Variants in PGBD5 observed in about 807,000 individuals in gnomAD.
The protein encoded by PGBD5 is piggyBac transposable element derived 5.
A neutral mutation model predicts 47.9 loss-of-function variants in PGBD5; 14 were observed. That is an observed-to-expected ratio of 0.29 (90% CI 0.19 to 0.46). The LOEUF (loss-of-function observed/expected upper bound fraction) is 0.46. PGBD5 is among the 20% of genes least tolerant of loss of function. PGBD5 has a pLI of 1.00. For missense variants in PGBD5, 635 were observed against 716.0 expected (o/e 0.89, Z 1.29); for synonymous variants, 316 against 306.3 (o/e 1.03, Z -0.33).
intron 5 of PGBD5, among the ~76,000 whole-genome samples, chr1:230,331,776 G>A (rs894709843): frequency 3.3e-5 from 5 of 151,540 alleles, no homozygotes; most frequent in Non-Finnish European, 5.9e-5. Context: ...CTCCAGGTGG[G>A]TGCCACCAGG....
At chr1:230,412,842 T>C (rs1485019532) in intron 1 of PGBD5, among the ~76,000 whole-genome samples, 1 of 151,972 alleles carries the variant, frequency 6.6e-6, no homozygotes, top group Non-Finnish European at 1.5e-5. Context: ...TGTTCAAGAG[T>C]CAACTGTATA....
intron 1 of PGBD5, among the ~76,000 whole-genome samples, chr1:230,417,622 T>A (rs1332904189): frequency 2.6e-5 from 4 of 152,182 alleles, no homozygotes; most frequent in Non-Finnish European, 4.4e-5. Context: ...CCTGACTAGT[T>A]ATTTGTTCTT....
At position 230,315,366 on chromosome 1, in the gene PGBD5, C is replaced by T. The variant is rs1286641814; in HGVS notation, c.*8059G>A. 7.2e-6 allele frequency: 1 copy of T among 138,836 alleles called. No individual in the cohort carries two copies. Among genetic ancestry groups the T allele is most frequent in the Non-Finnish European group, 1.5e-5 (1 of 66,714 alleles). The allele number at this position is 138,836 out of a possible 1,614,324, so 8.6% of individuals were successfully genotyped here. A position where few individuals can be genotyped will look rare whatever the true frequency, so the allele number is the denominator to read the frequency against. ...GAAGGCTGCCTCCTGGGATATGCAC[C>T]CGGCGGTCCCCATTCAGCCCCGGGA... On this transcript the variant is annotated 3_prime_UTR_variant, in exon 7 of 7. Transcript: ENST00000391860.
rs10218442 is a variant in PGBD5 at position 230,413,337 on chromosome 1, A to G, written c.331+12261T>C. Among the ~76,000 whole-genome samples the G allele has an allele frequency of 4.6e-3, 699 of 152,252 alleles. 6 individuals are homozygous for G. Among genetic ancestry groups the G allele is most frequent in the African/African-American group, 0.016 (681 of 41,548 alleles). ...AGATATTCTGGAGCTGTTAGGGAGCAGAATTTCGAGCAAAAAATTAGGTAT... is the reference window on the plus strand; with the variant it reads ...AGATATTCTGGAGCTGTTAGGGAGCGGAATTTCGAGCAAAAAATTAGGTAT... On this transcript the variant is annotated intron_variant, in intron 1 of 6. Coordinates refer to ENST00000391860, the MANE Select transcript of PGBD5 (RefSeq NM_001258311.2).
At chr1:230,362,980 G>A (rs1667771529) in intron 1 of PGBD5, among the ~76,000 whole-genome samples, 1 of 152,128 alleles carries the variant, frequency 6.6e-6, no homozygotes, top group African/African-American at 2.4e-5. Flanking sequence ...ACATCCCTGA[G>A]GATGCCCACG....
Position 230,426,004 on chromosome 1 carries a change from C to A in PGBD5, c.-76G>T. 1.4e-6 allele frequency: 1 copy of A among 708,472 alleles called. No homozygotes were observed. Among genetic ancestry groups the A allele is most frequent in the Non-Finnish European group, 1.7e-6 (1 of 580,042 alleles). The allele number at this position is 708,472 out of a possible 1,614,324, so 43.9% of individuals were successfully genotyped here. On this transcript the variant is annotated 5_prime_UTR_variant, in exon 1 of 7. Transcript: ENST00000391860. ...CACGCCGGGCCCTGGGCCCGCGCCGCGGCCCGCCGCCCCCCACCAGCGCAG... is the reference window on the plus strand; with the variant it reads ...CACGCCGGGCCCTGGGCCCGCGCCGAGGCCCGCCGCCCCCCACCAGCGCAG...
At chr1:230,332,034 C>CTAT (rs1667227198) in intron 5 of PGBD5, among the ~76,000 whole-genome samples, 1 of 147,560 alleles carries the variant, frequency 6.8e-6, no homozygotes, top group African/African-American at 2.5e-5. Flanking sequence ...ACCACACACA[C>CTAT]ACCACACACA....
chr1:230,426,096 G>C lies in PGBD5; in HGVS notation c.-168C>G, dbSNP rs1400914841. On this transcript the variant is annotated 5_prime_UTR_variant, in exon 1 of 7. Transcript: ENST00000391860. ...CCGTCTTGGCCGCCTCGGGCCCAGC[G>C]CCCGGGGAAGCGCCCTCGGAGCTCG... 17 of 177,374 alleles carry C rather than the reference G, an allele frequency of 9.6e-5. No individual in the cohort carries two copies. Among genetic ancestry groups the C allele is most frequent in the Non-Finnish European group, 1.2e-4 (11 of 95,344 alleles). The allele number at this position is 177,374 out of a possible 1,614,324, so 11.0% of individuals were successfully genotyped here. A position where few individuals can be genotyped will look rare whatever the true frequency, so the allele number is the denominator to read the frequency against.
chr1:230,356,779 G>A (rs2102705605), intron 2 of PGBD5, 115 bp downstream of exon 2: 2 of 1,098,418 alleles, frequency 1.8e-6, no homozygotes, highest in Non-Finnish European at 2.6e-6. Flanking sequence ...ACCTTGAAGT[G>A]AACTCAGAGG....
At chr1:230,413,136 T>C (rs1179794159) in intron 1 of PGBD5, among the ~76,000 whole-genome samples, 1 of 151,916 alleles carries the variant, frequency 6.6e-6, no homozygotes, top group East Asian at 1.9e-4. Flanking sequence ...CTACTGATGA[T>C]GTTAAGTGAG....
At chr1:230,353,087 C>T (rs1667583178) in intron 2 of PGBD5, among the ~76,000 whole-genome samples, 1 of 152,214 alleles carries the variant, frequency 6.6e-6, no homozygotes, top group African/African-American at 2.4e-5. Context: ...TTTTCCTTTT[C>T]TATCATCATT....
At chr1:230,384,968 TA>T (rs1317161368) in intron 1 of PGBD5, among the ~76,000 whole-genome samples, 27 of 152,196 alleles carry the variant, frequency 1.8e-4, no homozygotes, top group African/African-American at 6.5e-4. Context: ...AGTATTTCAG[TA>T]AATATGTTTT....
rs1157814679 is a variant in PGBD5, at chr1:230,351,097, C to G, written c.760-5G>C. Reference sequence around the variant, plus strand: ...GATCAGGGGTTCATGTAGCACCTGCCAGGAGGGAAAAAGCAGAGGCTCTCA... The same window carrying G: ...GATCAGGGGTTCATGTAGCACCTGCGAGGAGGGAAAAAGCAGAGGCTCTCA... On this transcript the variant is annotated splice_region_variant and splice_polypyrimidine_tract_variant and intron_variant, in intron 2 of 6. Transcript: ENST00000391860. 2 of 1,607,588 alleles carry G rather than the reference C, an allele frequency of 1.2e-6. No individual in the cohort carries two copies. Among genetic ancestry groups the G allele is most frequent in the Non-Finnish European group, 8.5e-7 (1 of 1,177,448 alleles).
chr1:230,370,757 C>G (rs1036247520), intron 1 of PGBD5, among the ~76,000 whole-genome samples: 1 of 152,156 alleles, frequency 6.6e-6, no homozygotes, highest in African/African-American at 2.4e-5. Flanking sequence ...CTGTGCTGTT[C>G]CAATGCCCTC....
Position 230,421,250 on chromosome 1 carries a change from T to C in PGBD5, c.331+4348A>G, listed in dbSNP as rs183793399. Among the ~76,000 whole-genome samples the C allele has an allele frequency of 7.4e-3, 1,087 of 147,384 alleles. 11 individuals carry two copies. The highest frequency in any genetic ancestry group is 0.01 in the Non-Finnish European group (678 of 64,756). On this transcript the variant is annotated intron_variant, in intron 1 of 6. Coordinates refer to ENST00000391860, the MANE Select transcript of PGBD5 (RefSeq NM_001258311.2). The stretch of plus-strand genomic sequence containing the variant: ...CCTGGCAAGATTCTACTCTTCTGTA[T>C]CCTGTTTGTGGTATCGATTACACAA...
intron 1 of PGBD5, among the ~76,000 whole-genome samples, chr1:230,422,788 A>G (rs1657683784): frequency 6.6e-6 from 1 of 151,994 alleles, no homozygotes; most frequent in African/African-American, 2.4e-5. Flanking sequence ...AATGGCGAGG[A>G]TTTCCCACCT....
rs3045440 is a variant in PGBD5 at position 230,314,581 on chromosome 1, CTTTTTTTTTT to C, written c.*8834_*8843del. 80 of 88,358 alleles carry C rather than the reference CTTTTTTTTTT, an allele frequency of 9.1e-4. 3 individuals carry two copies. The highest frequency in any genetic ancestry group is 3.0e-3 in the African/African-American group (74 of 24,682). 5.5% of individuals were successfully genotyped at this position (88,358 alleles called of 1,614,324 possible). A position where few individuals can be genotyped will look rare whatever the true frequency, so the allele number is the denominator to read the frequency against. ...ACATGACAAAATGCTTGAATTAAAT[CTTTTTTTTTT>C]TTTTTTTTTTTTTTGCCACATTTCA... is the stretch of plus-strand genomic sequence containing the variant. On this transcript the variant is annotated 3_prime_UTR_variant, in exon 7 of 7. Coordinates refer to ENST00000391860, the MANE Select transcript of PGBD5 (RefSeq NM_001258311.2).
rs75903916 is a variant in PGBD5 at position 230,328,908 on chromosome 1, A to T, written c.1274-3493T>A. ...CAAAAGGGTTTGGTTCACAATGGGA[A>T]TATCCCTTGACATGTGACAGCATTT... On this transcript the variant is annotated intron_variant, in intron 5 of 6. Transcript: ENST00000391860. Among the ~76,000 whole-genome samples the T allele has an allele frequency of 3.9e-3, 599 of 152,304 alleles. 8 individuals carry two copies. The East Asian group carries it at 0.052, about 13-fold the overall frequency.
intron 1 of PGBD5, chr1:230,377,510 C>G: frequency 6.2e-7 from 1 of 1,612,756 alleles, no homozygotes; most frequent in South Asian, 1.1e-5. Context: ...GTGAATGAAT[C>G]GCTTGGCTGC....
Sources: gnomAD v4.1 joint callset for allele counts (sites outside exome capture counted in the v4.1 genomes callset) on GRCh38, gnomAD v4.1.1 for gene constraint, MANE v1.5 for transcripts, NCBI Gene and HGNC (gene_info 2026-07-23, HGNC 2026-07-21) for gene names.